Variants in MLIP observed in about 807,000 individuals in gnomAD.
MLIP encodes muscular LMNA-interacting protein.
Under a neutral mutation model 84.8 loss-of-function variants are expected in MLIP, and 79 were observed. The observed-to-expected ratio is 0.93, with a 90% CI of 0.78 to 1.12. MLIP has a LOEUF of 1.12. Among genes scored for constraint, MLIP ranks in the 50% most tolerant of loss-of-function variants. The probability of loss-of-function intolerance (pLI) is 0.00; values close to 1 mark genes in which losing one functional copy is unlikely to be tolerated. For synonymous variants in MLIP, 504 were observed against 463.0 expected (o/e 1.09, Z -1.14); for missense variants, 1,257 against 1,160.6 (o/e 1.08, Z -1.21).
chr6:54,059,284 A>G (rs547371572), intron 1 of MLIP, among the ~76,000 whole-genome samples: 2 of 152,292 alleles, frequency 1.3e-5, no homozygotes, highest in African/African-American at 4.8e-5. Flanking sequence ...TCAGTCTTTC[A>G]CTGGAGAATC....
At chr6:54,237,459 T>C (rs914182459) in intron 12 of MLIP, among the ~76,000 whole-genome samples, 1 of 152,158 alleles carries the variant, frequency 6.6e-6, no homozygotes, top group Non-Finnish European at 1.5e-5. Flanking sequence ...CAATGACTTA[T>C]ATTGTATGTA....
chr6:54,098,154 T>TC (rs561710668), intron 1 of MLIP, among the ~76,000 whole-genome samples: 1,665 of 147,132 alleles, frequency 0.011, 37 homozygotes, highest in African/African-American at 0.037. Flanking sequence ...CTTTCTTTTT[T>TC]TTTTTTTTTT....
At chr6:54,207,224 A>G (rs1489389715) in intron 11 of MLIP, among the ~76,000 whole-genome samples, 1 of 152,080 alleles carries the variant, frequency 6.6e-6, no homozygotes, top group Non-Finnish European at 1.5e-5. Flanking sequence ...AAGATGTAAT[A>G]GACAATTTAG....
intron 13 of MLIP, among the ~76,000 whole-genome samples, chr6:54,259,533 T>A (rs945203355): frequency 2.6e-5 from 4 of 151,882 alleles, no homozygotes; most frequent in Admixed American, 2.0e-4. Context: ...CAAAAGACTT[T>A]GTGAGCCAAA....
At chr6:54,077,367 A>T (rs1023388711) in intron 1 of MLIP, among the ~76,000 whole-genome samples, 1 of 151,996 alleles carries the variant, frequency 6.6e-6, no homozygotes, top group Non-Finnish European at 1.5e-5. Context: ...TTTTCCAATA[A>T]AACTTCATTA....
rs1769465322 is a variant in MLIP, at chr6:54,111,545, C to T, written c.66C>T (p.Ile22=). Residue 22 remains isoleucine, a synonymous_variant, in exon 1 of 14, where the codon ATC becomes ATT. Coordinates refer to ENST00000502396, the MANE Select transcript of MLIP (RefSeq NM_001281747.2). ...ATTACTTCCAAATGACCTCGTGCAT[C>T]TTATCAGGGAGCATTCAGACCACAC... ...GNNYFQMTSC[I]LSGSIQTTPQ... is the part of the protein sequence containing the mutation. The T allele has an allele frequency of 2.0e-6, 3 of 1,535,878 alleles. No individual in the cohort carries two copies. In the East Asian group the frequency reaches 7.3e-5, roughly 38 times the overall value.
At position 54,068,779 on chromosome 6, in the gene MLIP, A is replaced by G. The variant is rs1766336864; in HGVS notation, c.63+49688A>G. Among the ~76,000 whole-genome samples, 2 of 100,484 alleles carry G rather than the reference A, an allele frequency of 2.0e-5. 1 individual carries two copies. Among genetic ancestry groups the G allele is most frequent in the Admixed American group, 1.8e-4 (2 of 10,882 alleles). 65.9% of individuals were successfully genotyped at this position (100,484 alleles called of 152,430 possible). On this transcript the variant is annotated intron_variant, in intron 1 of 12. Coordinates refer to the MLIP transcript ENST00000274897. ...TGATAGATGATATATTTGAGACTTA[A>G]AGAGTTAGGTAACTTGCCCCTTCAC...
intron 1 of MLIP, among the ~76,000 whole-genome samples, chr6:54,091,173 A>G (rs1767847771): frequency 6.6e-6 from 1 of 152,118 alleles, no homozygotes; most frequent in Non-Finnish European, 1.5e-5. Context: ...CCCAGAATTG[A>G]GAACTGCTTC....
intron 1 of MLIP, among the ~76,000 whole-genome samples, chr6:54,044,117 C>T (rs570078741): frequency 2.0e-5 from 3 of 152,324 alleles, no homozygotes; most frequent in African/African-American, 7.2e-5. Flanking sequence ...CATTTTGTTG[C>T]TGGTGCAGAC....
chr6:54,136,311 C>T (rs1771792144), intron 3 of MLIP, among the ~76,000 whole-genome samples: 1 of 152,082 alleles, frequency 6.6e-6, no homozygotes, highest in South Asian at 2.1e-4. Flanking sequence ...ATTATAATAT[C>T]ATCCTTTATA....
chr6:54,224,323 T>C (rs1380743251), intron 11 of MLIP, among the ~76,000 whole-genome samples: 1 of 151,542 alleles, frequency 6.6e-6, no homozygotes, highest in Non-Finnish European at 1.5e-5. Flanking sequence ...CTTATGCAAG[T>C]GAATTAGGAA....
exon 1 of MLIP, chr6:54,019,069 A>G (rs370632086): frequency 6.2e-7 from 1 of 1,611,178 alleles, no homozygotes; most frequent in Non-Finnish European, 8.5e-7. Flanking sequence ...TTATTAAACA[A>G]GAATTTAGAG....
chr6:54,073,847 C>T (rs1454328040), intron 1 of MLIP, among the ~76,000 whole-genome samples: 2 of 152,178 alleles, frequency 1.3e-5, no homozygotes, highest in Non-Finnish European at 2.9e-5. Flanking sequence ...AAAGGCACAA[C>T]TAAATGAAGG....
At chr6:54,072,818 C>A (rs978068340) in intron 1 of MLIP, among the ~76,000 whole-genome samples, 2 of 152,216 alleles carry the variant, frequency 1.3e-5, no homozygotes, top group Non-Finnish European at 2.9e-5. Context: ...GATTGATGAA[C>A]TAAAGCTCTT....
At chr6:54,254,551 A>G (rs1401696764) in intron 12 of MLIP, among the ~76,000 whole-genome samples, 1 of 152,084 alleles carries the variant, frequency 6.6e-6, no homozygotes, top group Non-Finnish European at 1.5e-5. Context: ...TGCAGTTGGC[A>G]GAGGTTTTAG....
intron 1 of MLIP, among the ~76,000 whole-genome samples, chr6:54,077,185 G>C (rs1766858264): frequency 6.6e-6 from 1 of 152,056 alleles, no homozygotes; most frequent in African/African-American, 2.4e-5. Flanking sequence ...ATGCAAACCA[G>C]CTCAGGGGAG....
intron 12 of MLIP, among the ~76,000 whole-genome samples, chr6:54,238,806 T>G (rs1195108699): frequency 6.6e-6 from 1 of 152,160 alleles, no homozygotes; most frequent in East Asian, 1.9e-4. Context: ...TTGAGGATAT[T>G]TTTTCTTTCA....
intron 1 of MLIP, among the ~76,000 whole-genome samples, chr6:54,068,087 CTTTTTCTCT>C (rs1561905254): frequency 1.2e-4 from 9 of 78,030 alleles, no homozygotes; most frequent in East Asian, 3.6e-4. Context: ...TTCCTTCCTT[CTTTTTCTCT>C]CTCCCTCCCT....
intron 1 of MLIP, chr6:54,046,349 T>C (rs891187785): frequency 6.6e-6 from 1 of 152,042 alleles, no homozygotes; most frequent in African/African-American, 2.4e-5. Context: ...ATTGTCATTA[T>C]AGAATATATA....
Sources: gnomAD v4.1 joint callset for allele counts (sites outside exome capture counted in the v4.1 genomes callset) on GRCh38, gnomAD v4.1.1 for gene constraint, MANE v1.5 for transcripts, NCBI Gene and HGNC (gene_info 2026-07-23, HGNC 2026-07-21) for gene names.